Variants in EXOC4 observed in about 807,000 individuals in gnomAD.
The protein encoded by EXOC4 is exocyst complex component 4, also known as SEC8-like 1.
A neutral mutation model predicts 107.2 loss-of-function variants in EXOC4; 71 were observed. The observed-to-expected ratio is 0.66, with a 90% CI of 0.55 to 0.81. The LOEUF is 0.81. EXOC4 is among the 30% of genes least tolerant of loss of function. The pLI is 0.00. For synonymous variants in EXOC4, 456 were observed against 441.2 expected, an observed-to-expected ratio of 1.03 and a Z score of -0.42; for missense variants, 1,108 against 1,189.6, an observed-to-expected ratio of 0.93 and a Z score of 1.01.
intron 9 of EXOC4, among the ~76,000 whole-genome samples, chr7:133,627,271 C>T (rs1330982620): frequency 3.9e-5 from 6 of 152,116 alleles, no homozygotes; most frequent in African/African-American, 1.4e-4. Flanking sequence ...CAGATGGTAG[C>T]GCAGTGTGGC....
intron 9 of EXOC4, among the ~76,000 whole-genome samples, chr7:133,621,932 G>A (rs117289226): frequency 6.8e-6 from 1 of 146,670 alleles, no homozygotes; most frequent in East Asian, 2.1e-4. Flanking sequence ...AGCAAGAAAG[G>A]TCTGTTGACT....
chr7:133,967,962 C>CT (rs1336512659), intron 14 of EXOC4, among the ~76,000 whole-genome samples: 2 of 152,176 alleles, frequency 1.3e-5, no homozygotes, highest in Non-Finnish European at 2.9e-5. Context: ...GTGTGGGAGT[C>CT]TAAGTCCCTT....
chr7:133,548,299 C>T (rs1800521245), intron 9 of EXOC4, among the ~76,000 whole-genome samples: 1 of 152,072 alleles, frequency 6.6e-6, no homozygotes, highest in Admixed American at 6.6e-5. Flanking sequence ...TTATAGAGAA[C>T]AAGCAGAGTA....
chr7:133,357,203 C>T (rs1796042547), intron 6 of EXOC4, among the ~76,000 whole-genome samples: 1 of 152,152 alleles, frequency 6.6e-6, no homozygotes, highest in African/African-American at 2.4e-5. Flanking sequence ...ATACTAAGTA[C>T]TCAGCAATGT....
At chr7:133,460,963 A>G (rs998043358) in intron 7 of EXOC4, among the ~76,000 whole-genome samples, 1 of 152,170 alleles carries the variant, frequency 6.6e-6, no homozygotes, top group Non-Finnish European at 1.5e-5. Flanking sequence ...CCAGCAGTGT[A>G]TGATTAATTG....
At position 133,945,457 on chromosome 7, in the gene EXOC4, G is replaced by A. The variant is rs559953959; in HGVS notation, c.2206+7388G>A. 1.9e-4 allele frequency among the ~76,000 whole-genome samples: 29 copies of A among 152,252 alleles called. No homozygotes were observed. The South Asian group carries it at 2.5e-3, about 13-fold the overall frequency. ...AGAAGAACTGTAGGCATGGAGATACGGTACTTCGTGTCCATGCCAGAGTCG... is the reference window on the plus strand; with the variant it reads ...AGAAGAACTGTAGGCATGGAGATACAGTACTTCGTGTCCATGCCAGAGTCG... On this transcript the variant is annotated intron_variant, in intron 14 of 17. Coordinates refer to ENST00000253861, the MANE Select transcript of EXOC4 (RefSeq NM_021807.4).
chr7:133,536,529 G>A (rs529441468), intron 9 of EXOC4, among the ~76,000 whole-genome samples: 11 of 151,582 alleles, frequency 7.3e-5, no homozygotes, highest in African/African-American at 1.9e-4. Flanking sequence ...TGTCTACCCC[G>A]TTACCTATTT....
At chr7:133,519,789 C>T (rs1301951235) in intron 9 of EXOC4, among the ~76,000 whole-genome samples, 1 of 152,058 alleles carries the variant, frequency 6.6e-6, no homozygotes, top group Non-Finnish European at 1.5e-5. Flanking sequence ...GATGAACTTC[C>T]CAGTGTAAAG....
At chr7:133,990,204 A>G (rs1305765894) in intron 14 of EXOC4, among the ~76,000 whole-genome samples, 1 of 152,054 alleles carries the variant, frequency 6.6e-6, no homozygotes, top group Admixed American at 6.5e-5. Flanking sequence ...ACCGTGTGGT[A>G]CTGTCAAATA....
intron 11 of EXOC4, among the ~76,000 whole-genome samples, chr7:133,884,913 G>T (rs1799048159): frequency 1.3e-5 from 2 of 152,010 alleles, no homozygotes; most frequent in African/African-American, 4.8e-5. Flanking sequence ...ATAATGAATT[G>T]CCATTATAGA....
chr7:133,557,025 C>T (rs1035172114), intron 9 of EXOC4, among the ~76,000 whole-genome samples: 1 of 152,106 alleles, frequency 6.6e-6, no homozygotes, highest in Admixed American at 6.5e-5. Flanking sequence ...GGGTGGACCA[C>T]CTTTAGAAAT....
chr7:134,087,294 G>A, the EXOC4 span, among the ~76,000 whole-genome samples: 2 of 152,146 alleles, frequency 1.3e-5, no homozygotes, highest in Non-Finnish European at 2.9e-5. Flanking sequence ...GGGTGATGAT[G>A]TTCCTGCCTA....
intron 17 of EXOC4, among the ~76,000 whole-genome samples, chr7:134,049,277 C>G (rs1037239235): frequency 1.1e-4 from 17 of 152,062 alleles, no homozygotes; most frequent in African/African-American, 4.1e-4. Context: ...ATAATCTAGG[C>G]AAAATAAAGC....
chr7:133,391,116 A>G (rs1796842638), intron 7 of EXOC4, among the ~76,000 whole-genome samples: 1 of 152,214 alleles, frequency 6.6e-6, no homozygotes, highest in Admixed American at 6.5e-5. Context: ...TGTGTCACAT[A>G]AGTGAGTGGC....
chr7:133,687,322 G>A (rs1794327614), intron 10 of EXOC4, among the ~76,000 whole-genome samples: 1 of 151,444 alleles, frequency 6.6e-6, no homozygotes, highest in African/African-American at 2.4e-5. Context: ...TCAGGTGATG[G>A]GTGCACCAAA....
chr7:134,099,329 A>C, the EXOC4 span, among the ~76,000 whole-genome samples: 2 of 151,850 alleles, frequency 1.3e-5, no homozygotes, highest in Non-Finnish European at 2.9e-5. Context: ...GCAGGCCATA[A>C]AACCTAGAAA....
intron 7 of EXOC4, among the ~76,000 whole-genome samples, chr7:133,402,814 A>G (rs1299695049): frequency 6.7e-6 from 1 of 149,030 alleles, no homozygotes; most frequent in African/African-American, 2.5e-5. Flanking sequence ...GAGAATTTGG[A>G]TTTCTAAAAA....
At chr7:133,396,697 C>T (rs1796977024) in intron 7 of EXOC4, among the ~76,000 whole-genome samples, 1 of 152,132 alleles carries the variant, frequency 6.6e-6, no homozygotes, top group Admixed American at 6.5e-5. Context: ...AACAGGCTTC[C>T]TCCTGGGACA....
chr7:133,871,189 A>C (rs536726161), intron 11 of EXOC4, among the ~76,000 whole-genome samples: 1 of 151,988 alleles, frequency 6.6e-6, no homozygotes, highest in Non-Finnish European at 1.5e-5. Context: ...CAGAGTTATT[A>C]TACCTTATTA....
Sources: gnomAD v4.1 joint callset for allele counts (sites outside exome capture counted in the v4.1 genomes callset) on GRCh38, gnomAD v4.1.1 for gene constraint, MANE v1.5 for transcripts, NCBI Gene and HGNC (gene_info 2026-07-23, HGNC 2026-07-21) for gene names.